Variants in FHIT observed in about 807,000 individuals in gnomAD.
FHIT encodes bis(5'-adenosyl)-triphosphatase.
Under a neutral mutation model 17.9 loss-of-function variants are expected in FHIT, and 19 were observed. The observed-to-expected ratio is 1.06, with a 90% CI of 0.74 to 1.56. The LOEUF (loss-of-function observed/expected upper bound fraction) is 1.56. Among genes scored for constraint, FHIT ranks in the 40% most tolerant of loss-of-function variants. The pLI, the probability that FHIT is intolerant of heterozygous loss-of-function variation, is 0.00. For synonymous variants in FHIT, 81 were observed against 69.7 expected, an observed-to-expected ratio of 1.16 and a Z score of -0.81; for missense variants, 248 against 189.2, an observed-to-expected ratio of 1.31 and a Z score of -1.82.
At chr3:61,011,211 C>T (rs1336574361) in intron 3 of FHIT, among the ~76,000 whole-genome samples, 1 of 152,104 alleles carries the variant, frequency 6.6e-6, no homozygotes, top group African/African-American at 2.4e-5. Flanking sequence ...TTGTGGAATT[C>T]CACAATGTTG....
intron 3 of FHIT, among the ~76,000 whole-genome samples, chr3:60,947,672 G>T (rs1012779501): frequency 6.6e-6 from 1 of 152,168 alleles, no homozygotes. Context: ...CAGACATCCA[G>T]AATGGTCTTG....
intron 7 of FHIT, among the ~76,000 whole-genome samples, chr3:60,000,677 C>T (rs1336934028): frequency 3.6e-5 from 3 of 83,742 alleles, no homozygotes. Context: ...GAAAAATGGG[C>T]TTAGAAACTA....
At chr3:60,335,858 G>A (rs1165677387) in intron 5 of FHIT, among the ~76,000 whole-genome samples, 3 of 151,990 alleles carry the variant, frequency 2.0e-5, no homozygotes, top group African/African-American at 4.8e-5. Context: ...TAAAAAAAAT[G>A]GTATGCTCCA....
intron 4 of FHIT, among the ~76,000 whole-genome samples, chr3:60,664,312 C>G (rs986682383): frequency 4.6e-5 from 7 of 151,884 alleles, no homozygotes; most frequent in African/African-American, 1.5e-4. Flanking sequence ...CCTTACATAC[C>G]TGGCATATAA....
At chr3:60,900,347 C>A (rs562372154) in intron 3 of FHIT, among the ~76,000 whole-genome samples, 1 of 152,064 alleles carries the variant, frequency 6.6e-6, no homozygotes, top group South Asian at 2.1e-4. Flanking sequence ...ATCACTTGAG[C>A]CTAGGAGTTT....
At chr3:60,401,829 C>T (rs1251146229) in intron 5 of FHIT, among the ~76,000 whole-genome samples, 1 of 152,060 alleles carries the variant, frequency 6.6e-6, no homozygotes, top group Admixed American at 6.6e-5. Flanking sequence ...GTCTTGAAAA[C>T]AATTTGGACA....
At chr3:61,177,137 C>A (rs1252801299) in intron 2 of FHIT, among the ~76,000 whole-genome samples, 17 of 150,608 alleles carry the variant, frequency 1.1e-4, no homozygotes, top group Admixed American at 2.6e-4. Flanking sequence ...AGATTGCACC[C>A]CTGCACTTCA....
chr3:60,524,732 C>T (rs903186004), intron 5 of FHIT, among the ~76,000 whole-genome samples: 4 of 152,188 alleles, frequency 2.6e-5, no homozygotes, highest in Admixed American at 1.3e-4. Flanking sequence ...TCTGCCTTCA[C>T]GATCATGTTG....
intron 8 of FHIT, among the ~76,000 whole-genome samples, chr3:59,857,570 A>G (rs1296707137): frequency 6.6e-6 from 1 of 152,162 alleles, no homozygotes; most frequent in East Asian, 1.9e-4. Context: ...TTCCCTAGAG[A>G]AACTTACATA....
At chr3:60,617,092 C>A (rs2038974180) in intron 4 of FHIT, 2 of 219,068 alleles carry the variant, frequency 9.1e-6, no homozygotes, top group South Asian at 1.6e-4. Context: ...ACAGAATGTT[C>A]CCAATGAGCA....
intron 3 of FHIT, among the ~76,000 whole-genome samples, chr3:60,838,214 T>C (rs1702600428): frequency 6.6e-6 from 1 of 152,234 alleles, no homozygotes; most frequent in Admixed American, 6.5e-5. Context: ...GGCTCACGCC[T>C]GTAATCCCAG....
chr3:60,001,419 C>A (rs986900180), intron 7 of FHIT, among the ~76,000 whole-genome samples: 40 of 152,138 alleles, frequency 2.6e-4, no homozygotes, highest in Admixed American at 2.6e-4. Context: ...GTGACGATAT[C>A]TGGCACATAG....
chr3:60,275,855 G>T (rs929139915), intron 5 of FHIT, among the ~76,000 whole-genome samples: 1 of 152,112 alleles, frequency 6.6e-6, no homozygotes, highest in Middle Eastern at 3.2e-3. Context: ...CTGTAGTTGT[G>T]AAATTAGACT....
At chr3:59,823,272 T>C (rs1575551398) in intron 8 of FHIT, among the ~76,000 whole-genome samples, 2 of 152,288 alleles carry the variant, frequency 1.3e-5, no homozygotes, top group East Asian at 3.9e-4. Context: ...TTTGGCTATG[T>C]GGGCTCTTTT....
chr3:61,081,232 A>G (rs1388887856), intron 2 of FHIT, among the ~76,000 whole-genome samples: 2 of 152,174 alleles, frequency 1.3e-5, no homozygotes, highest in South Asian at 2.1e-4. Context: ...GCTGTGCCCC[A>G]CAACTTGGAA....
At chr3:60,261,390 G>A (rs1706292184) in intron 5 of FHIT, among the ~76,000 whole-genome samples, 1 of 151,934 alleles carries the variant, frequency 6.6e-6, no homozygotes, top group East Asian at 1.9e-4. Context: ...TAATTTCAGA[G>A]ACGGTGAGTA....
At chr3:60,474,421 C>G in intron 5 of FHIT, among the ~76,000 whole-genome samples, 1 of 152,034 alleles carries the variant, frequency 6.6e-6, no homozygotes, top group Non-Finnish European at 1.5e-5. Flanking sequence ...AATAAAAACA[C>G]CAGTCATGTT....
chr3:59,816,610 G>A (rs1417825667), intron 8 of FHIT, among the ~76,000 whole-genome samples: 1 of 152,066 alleles, frequency 6.6e-6, no homozygotes, highest in East Asian at 1.9e-4. Context: ...GCAGGAAAGT[G>A]GAGCATGAAC....
rs560065982 is a variant in FHIT, at chr3:60,639,289, C to T, written c.-17-102310G>A. On this transcript the variant is annotated intron_variant, in intron 4 of 9. Coordinates refer to ENST00000492590, the MANE Select transcript of FHIT (RefSeq NM_002012.4). ...CTTGAGGGACTAAGATTTGTGAGAA[C>T]GGTGAACCAAAGAAAAGTGATCCCA... 5.3e-5 allele frequency among the ~76,000 whole-genome samples: 8 copies of T among 152,088 alleles called. No individual in the cohort carries two copies. The East Asian group carries it at 1.2e-3, about 22-fold the overall frequency.
Sources: allele counts gnomAD v4.1 joint callset (sites outside exome capture counted in the v4.1 genomes callset), GRCh38; gene constraint gnomAD v4.1.1; transcripts MANE v1.5; gene names NCBI Gene and HGNC (gene_info 2026-07-23, HGNC 2026-07-21).